Variants in ADI1 observed in about 807,000 individuals in gnomAD.
The protein encoded by ADI1 is acireductone dioxygenase 1.
A neutral mutation model predicts 18.7 loss-of-function variants in ADI1; 21 were observed. That is an observed-to-expected ratio of 1.13 (90% CI 0.80 to 1.62). The LOEUF is 1.62. Among genes scored for constraint, ADI1 ranks in the 40% most tolerant of loss-of-function variants. The pLI is 0.00. For missense variants in ADI1, 245 were observed against 254.9 expected (o/e 0.96, Z 0.26); for synonymous variants, 90 against 100.1 (o/e 0.90, Z 0.60).
At chr2:3,500,624 C>T (rs1187789948) in intron 3 of ADI1, 190 bp downstream of exon 3, 2 of 742,740 alleles carry the variant, frequency 2.7e-6, no homozygotes, top group Non-Finnish European at 4.5e-6. Context: ...CGGAGGCTGC[C>T]ACGGAAGGAC....
chr2:3,506,644 C>T (rs1375366843), intron 2 of ADI1, among the ~76,000 whole-genome samples: 2 of 152,158 alleles, frequency 1.3e-5, no homozygotes, highest in Non-Finnish European at 2.9e-5. Flanking sequence ...AGGTTCAGTA[C>T]AATCCAATTC....
intron 1 of ADI1, among the ~76,000 whole-genome samples, chr2:3,514,437 G>C (rs6605293): frequency 0.19 from 28,780 of 152,140 alleles, 2,823 homozygotes; most frequent in East Asian, 0.23. Flanking sequence ...AATTAAACTG[G>C]AATGAGAAAC....
At chr2:3,514,653 A>G (rs1667360573) in intron 1 of ADI1, among the ~76,000 whole-genome samples, 1 of 152,206 alleles carries the variant, frequency 6.6e-6, no homozygotes, top group Non-Finnish European at 1.5e-5. Context: ...TCCTATCTCT[A>G]TTAAGGTTCA....
At chr2:3,513,732 A>C (rs1241786956) in intron 2 of ADI1, 125 bp downstream of exon 2, 56 of 1,033,638 alleles carry the variant, frequency 5.4e-5, no homozygotes, top group Non-Finnish European at 7.3e-5. Flanking sequence ...AGTTTCAGGT[A>C]TTTATTTATA....
intron 3 of ADI1, among the ~76,000 whole-genome samples, chr2:3,500,372 A>G (rs1362295517): frequency 1.3e-5 from 1 of 76,502 alleles, no homozygotes; most frequent in Non-Finnish European, 2.3e-5. Context: ...GTTACTGTTC[A>G]ATTCCAAAAC....
At chr2:3,516,671 T>C (rs1558430646) in intron 1 of ADI1, 1 of 927,656 alleles carries the variant, frequency 1.1e-6, no homozygotes. Flanking sequence ...CTGTTGTTTA[T>C]AAATTGCCCA....
rs749117827 is a variant in ADI1, at chr2:3,500,915, C to G, written c.319G>C (p.Val107Leu). Reference sequence around the variant, plus strand: ...ATCCACTGGTCCTCCTTGTCCCTCACATCGAAGTACCCACTGCCATCCAGG... The same window carrying G: ...ATCCACTGGTCCTCCTTGTCCCTCAGATCGAAGTACCCACTGCCATCCAGG... ...YILDGSGYFDVRDKEDQWIRI... is the reference protein window; with the variant it reads ...YILDGSGYFDLRDKEDQWIRI... Residue 107 changes from valine to leucine, a missense_variant, in exon 3 of 4, where the codon GTG becomes CTG. Transcript: ENST00000327435. 1 of 1,614,200 alleles carries G rather than the reference C, an allele frequency of 6.2e-7. No homozygotes were observed. Among genetic ancestry groups the G allele is most frequent in the Non-Finnish European group, 8.5e-7 (1 of 1,180,026 alleles).
intron 2 of ADI1, among the ~76,000 whole-genome samples, chr2:3,505,322 G>C (rs1177026430): frequency 1.3e-5 from 2 of 152,182 alleles, no homozygotes; most frequent in African/African-American, 4.8e-5. Context: ...CACCTAACCA[G>C]AGCAGAAACC....
chr2:3,500,950 A>G lies in ADI1; in HGVS notation c.284T>C (p.Ile95Thr), dbSNP rs761219204. The G allele has an allele frequency of 6.2e-7, 1 of 1,613,526 alleles. No homozygotes were observed. Among genetic ancestry groups the G allele is most frequent in the South Asian group, 1.1e-5 (1 of 90,990 alleles). The change falls in exon 3 of 4, where the codon ATC (isoleucine) becomes ACC (threonine). Residue 95 changes from isoleucine to threonine, a missense_variant. Coordinates refer to ENST00000327435, the MANE Select transcript of ADI1 (RefSeq NM_018269.4). ...CCCACTGCCATCCAGGATGTAGCGGATCTCATCGTCCAAGTGCAAATGCTC... is the reference window on the plus strand; with the variant it reads ...CCCACTGCCATCCAGGATGTAGCGGGTCTCATCGTCCAAGTGCAAATGCTC... ...YEEHLHLDDEIRYILDGSGYF... is the reference protein window; with the variant it reads ...YEEHLHLDDETRYILDGSGYF...
intron 2 of ADI1, among the ~76,000 whole-genome samples, chr2:3,509,702 G>T (rs1175084489): frequency 6.6e-6 from 1 of 152,026 alleles, no homozygotes; most frequent in Non-Finnish European, 1.5e-5. Flanking sequence ...GTACTCTGGG[G>T]AAAATTTACA....
intron 1 of ADI1, chr2:3,514,862 G>C (rs538097566): frequency 3.0e-5 from 46 of 1,547,952 alleles, no homozygotes; most frequent in South Asian, 1.8e-4. Flanking sequence ...GGAGGGACCG[G>C]CTGGAGCCAT....
At position 3,505,007 on chromosome 2, in the gene ADI1, T is replaced by C. The variant is rs187940148; in HGVS notation, c.241-4014A>G. Reference sequence around the variant, plus strand: ...GTCTGTTCACCTGTGTATGTTTGTATTGTTGGTTCACCTGAGTATGTTTGC... The same window carrying C: ...GTCTGTTCACCTGTGTATGTTTGTACTGTTGGTTCACCTGAGTATGTTTGC... On this transcript the variant is annotated intron_variant, in intron 2 of 3. Coordinates refer to ENST00000327435, the MANE Select transcript of ADI1 (RefSeq NM_018269.4). 3.0e-3 allele frequency among the ~76,000 whole-genome samples: 462 copies of C among 152,226 alleles called. 1 individual carries two copies. The highest frequency in any genetic ancestry group is 0.011 in the African/African-American group (439 of 41,550).
rs907455574 is a variant in ADI1 at position 3,498,058 on chromosome 2, G to A, written c.*905C>T. ...GACAGAGTTTACTTAAACATTTAAG[G>A]CTTGAGTTTCCTCTGTACAGTGTGG... On this transcript the variant is annotated 3_prime_UTR_variant, in exon 4 of 4. Transcript: ENST00000327435. 6.6e-6 allele frequency: 1 copy of A among 152,128 alleles called. No homozygotes were observed. Among genetic ancestry groups the A allele is most frequent in the African/African-American group, 2.4e-5 (1 of 41,432 alleles). The allele number at this position is 152,128 out of a possible 1,614,324, so 9.4% of individuals were successfully genotyped here. A position where few individuals can be genotyped will look rare whatever the true frequency, so the allele number is the denominator to read the frequency against.
chr2:3,505,594 G>T (rs551087654), intron 2 of ADI1, among the ~76,000 whole-genome samples: 1 of 152,296 alleles, frequency 6.6e-6, no homozygotes, highest in Admixed American at 6.5e-5. Flanking sequence ...TCTTATGAAG[G>T]CCTCAACTCA....
Position 3,513,850 on chromosome 2 carries a change from CCCTTA to C in ADI1, c.240+2_240+6del. On this transcript the variant is annotated splice_donor_variant and splice_donor_5th_base_variant and intron_variant, in intron 2 of 3. Transcript: ENST00000327435. LOFTEE classifies it high-confidence loss of function. ...CTTCTTTTCCAGGTAATCCAGGGCT[CCCTTA>C]CCTTTTCTTCATAATTTGGTAGTTT... 1.9e-6 allele frequency: 3 copies of C among 1,595,888 alleles called. No homozygotes were observed. In the South Asian group the frequency reaches 3.5e-5, roughly 18 times the overall value.
At chr2:3,513,730 G>A (rs1667339970) in intron 2 of ADI1, 127 bp downstream of exon 2, 2 of 1,004,082 alleles carry the variant, frequency 2.0e-6, no homozygotes, top group Non-Finnish European at 2.8e-6. Flanking sequence ...ACAGTTTCAG[G>A]TATTTATTTA....
chr2:3,500,453 T>C, intron 3 of ADI1: 1 of 394,538 alleles, frequency 2.5e-6, no homozygotes. Context: ...AAACACGGGC[T>C]GGGGTGACAA....
chr2:3,500,479 A>T, intron 3 of ADI1: 3 of 459,352 alleles, frequency 6.5e-6, no homozygotes, highest in Admixed American at 3.9e-5. Flanking sequence ...GAGATGCCTC[A>T]CCGCCAAGCA....
chr2:3,508,759 C>T (rs1301491394), intron 2 of ADI1, among the ~76,000 whole-genome samples: 1 of 151,942 alleles, frequency 6.6e-6, no homozygotes, highest in East Asian at 1.9e-4. Context: ...AATGAATTAG[C>T]CAGTTGTGGT....
Sources: allele counts gnomAD v4.1 joint callset (sites outside exome capture counted in the v4.1 genomes callset), GRCh38; gene constraint gnomAD v4.1.1; transcripts MANE v1.5; gene names NCBI Gene and HGNC (gene_info 2026-07-23, HGNC 2026-07-21).